OTUD7A: variants seen among roughly 807,000 people sequenced by gnomAD.
OTUD7A encodes the protein OTU domain-containing protein 7A.
OTUD7A carries 12 observed loss-of-function variants against 65.7 expected under a neutral mutation model. The observed-to-expected ratio is 0.18, with a 90% CI of 0.12 to 0.30. The LOEUF is 0.30. Among genes scored for constraint, OTUD7A ranks in the 10% least tolerant of loss-of-function variants. The pLI, the probability that OTUD7A is intolerant of heterozygous loss-of-function variation, is 1.00. For missense variants in OTUD7A, 1,148 were observed against 1,304.8 expected, an observed-to-expected ratio of 0.88 and a Z score of 1.85; for synonymous variants, 641 against 586.3, an observed-to-expected ratio of 1.09 and a Z score of -1.35.
chr15:31,543,393 T>G (rs915297130), intron 5 of OTUD7A, among the ~76,000 whole-genome samples: 4 of 151,850 alleles, frequency 2.6e-5, no homozygotes, highest in Admixed American at 6.6e-5. Flanking sequence ...AACACCACAT[T>G]GAATGGGGGA....
chr15:31,762,877 C>A (rs1285046603), intron 1 of OTUD7A, among the ~76,000 whole-genome samples: 1 of 152,004 alleles, frequency 6.6e-6, no homozygotes, highest in Non-Finnish European at 1.5e-5. Context: ...ATCTTTACTA[C>A]AAGAAAAGAG....
At chr15:31,594,462 G>A (rs1186009522) in intron 3 of OTUD7A, among the ~76,000 whole-genome samples, 1 of 152,084 alleles carries the variant, frequency 6.6e-6, no homozygotes. Context: ...AAGTCCACTC[G>A]CTTCCTTCCC....
chr15:31,865,044 C>A (rs975673510), intron 1 of OTUD7A, among the ~76,000 whole-genome samples: 7 of 152,156 alleles, frequency 4.6e-5, no homozygotes, highest in Non-Finnish European at 1.0e-4. Context: ...TGGGGTTGTG[C>A]CCAAGGTCAC....
In OTUD7A at chr15:31,626,899, G is replaced by GT. The variant is rs1230469368; in HGVS notation, c.151+28196dup. Among the ~76,000 whole-genome samples the GT allele has an allele frequency of 7.9e-5, 11 of 139,638 alleles. No individual in the cohort carries two copies. In the South Asian group the frequency reaches 8.9e-4, roughly 11 times the overall value. The allele number at this position is 139,638 out of a possible 152,430, so 91.6% of individuals were successfully genotyped here. ...CCTATATTTGTTTTTTTTTTGTTTT[G>GT]TTTTTTTGTTTTTATGGTTTCTTTT... is the stretch of plus-strand genomic sequence containing the variant. On this transcript the variant is annotated intron_variant, in intron 3 of 12. Coordinates refer to ENST00000307050, the MANE Select transcript of OTUD7A (RefSeq NM_001382637.1).
At chr15:31,753,721 T>TATATA (rs879561188) in intron 1 of OTUD7A, among the ~76,000 whole-genome samples, 1 of 106,778 alleles carries the variant, frequency 9.4e-6, no homozygotes, top group Non-Finnish European at 1.8e-5. Flanking sequence ...TATATATATA[T>TATATA]TATATATATA....
chr15:31,499,454 G>A (rs1405240936), intron 10 of OTUD7A, among the ~76,000 whole-genome samples: 1 of 152,212 alleles, frequency 6.6e-6, no homozygotes, highest in African/African-American at 2.4e-5. Flanking sequence ...CACTCCAGCA[G>A]GCCTGAGTCT....
intron 1 of OTUD7A, among the ~76,000 whole-genome samples, chr15:31,755,129 G>C (rs533780040): frequency 6.6e-6 from 1 of 151,852 alleles, no homozygotes; most frequent in East Asian, 1.9e-4. Flanking sequence ...GAGATGAAGG[G>C]AAGGTGGGAA....
chr15:31,599,851 A>G (rs1890022501), intron 3 of OTUD7A, among the ~76,000 whole-genome samples: 1 of 152,118 alleles, frequency 6.6e-6, no homozygotes, highest in Admixed American at 6.6e-5. Context: ...GCATACACAA[A>G]TATCAATAGC....
chr15:31,866,157 C>A (rs771635512), intron 1 of OTUD7A, among the ~76,000 whole-genome samples: 1 of 152,236 alleles, frequency 6.6e-6, no homozygotes, highest in Admixed American at 6.5e-5. Context: ...GCAGTAATTG[C>A]TAATAGCAAG....
chr15:31,592,438 G>C (rs569898143), intron 3 of OTUD7A, among the ~76,000 whole-genome samples: 1 of 151,674 alleles, frequency 6.6e-6, no homozygotes, highest in Non-Finnish European at 1.5e-5. Context: ...AGGATCATCC[G>C]TATCAGTGTC....
chr15:31,800,303 G>A (rs897263592), intron 1 of OTUD7A, among the ~76,000 whole-genome samples: 15 of 152,222 alleles, frequency 9.9e-5, no homozygotes, highest in African/African-American at 3.6e-4. Flanking sequence ...AGCCCGGGAG[G>A]CCTGTACTCT....
chr15:31,721,166 A>G (rs1893727751), intron 1 of OTUD7A, among the ~76,000 whole-genome samples: 1 of 152,272 alleles, frequency 6.6e-6, no homozygotes, highest in South Asian at 2.1e-4. Context: ...GCAACACATG[A>G]CTGTACCTCT....
At chr15:31,848,887 T>C (rs992668992) in intron 1 of OTUD7A, among the ~76,000 whole-genome samples, 5 of 152,212 alleles carry the variant, frequency 3.3e-5, no homozygotes, top group African/African-American at 1.2e-4. Context: ...TGTCCTTTTA[T>C]GGATCCACAT....
At chr15:31,750,709 T>C (rs1894610718) in intron 1 of OTUD7A, among the ~76,000 whole-genome samples, 1 of 152,190 alleles carries the variant, frequency 6.6e-6, no homozygotes, top group South Asian at 2.1e-4. Flanking sequence ...GCCACACATC[T>C]ACAACCAACT....
chr15:31,509,127 T>C (rs1325246448), intron 8 of OTUD7A, among the ~76,000 whole-genome samples: 4 of 152,260 alleles, frequency 2.6e-5, no homozygotes, highest in South Asian at 4.1e-4. Context: ...TTTTTAAAAC[T>C]TTTTATAATT....
intron 1 of OTUD7A, among the ~76,000 whole-genome samples, chr15:31,745,018 TA>T: frequency 6.6e-6 from 1 of 151,988 alleles, no homozygotes. Context: ...CTTTCTACAC[TA>T]AAACAAAAAC....
At chr15:31,701,742 C>G (rs1040603709) in intron 1 of OTUD7A, among the ~76,000 whole-genome samples, 5 of 152,070 alleles carry the variant, frequency 3.3e-5, no homozygotes, top group African/African-American at 4.8e-5. Flanking sequence ...GAATTAACAC[C>G]TATTCTACTG....
At chr15:31,649,329 A>G (rs1386251773) in intron 3 of OTUD7A, among the ~76,000 whole-genome samples, 1 of 152,138 alleles carries the variant, frequency 6.6e-6, no homozygotes, top group African/African-American at 2.4e-5. Flanking sequence ...CAAGGTTGTG[A>G]TCAGCCTCTG....
chr15:31,719,078 G>A (rs1266842724), intron 1 of OTUD7A, among the ~76,000 whole-genome samples: 3 of 151,876 alleles, frequency 2.0e-5, no homozygotes, highest in Non-Finnish European at 4.4e-5. Flanking sequence ...TGAAAGTTCT[G>A]GCATTATGTT....
Sources: gnomAD v4.1 joint callset for allele counts (sites outside exome capture counted in the v4.1 genomes callset) on GRCh38, gnomAD v4.1.1 for gene constraint, MANE v1.5 for transcripts, NCBI Gene and HGNC (gene_info 2026-07-23, HGNC 2026-07-21) for gene names.